The following CDKAL1 variants were observed in gnomAD, a reference collection of about 807,000 sequenced individuals.
CDKAL1 encodes threonylcarbamoyladenosine tRNA methylthiotransferase.
In CDKAL1, 32 loss-of-function variants were observed where a neutral mutation model predicts 68.2. The ratio of observed to expected loss-of-function variants is 0.47; its 90% CI spans 0.35 to 0.63. The LOEUF (loss-of-function observed/expected upper bound fraction) is 0.63. CDKAL1 is among the 30% of genes least tolerant of loss of function. CDKAL1 has a pLI of 0.00. For missense variants in CDKAL1, 606 were observed against 696.7 expected (o/e 0.87, Z 1.47); for synonymous variants, 234 against 244.3 (o/e 0.96, Z 0.39).
At chr6:21,204,469 T>C (rs1278501577) in intron 15 of CDKAL1, among the ~76,000 whole-genome samples, 1 of 152,170 alleles carries the variant, frequency 6.6e-6, no homozygotes, top group Non-Finnish European at 1.5e-5. Context: ...TCCCAATATA[T>C]TGTCAAATTT....
intron 8 of CDKAL1, among the ~76,000 whole-genome samples, chr6:20,805,210 T>A (rs886698058): frequency 1.3e-5 from 2 of 152,180 alleles, no homozygotes; most frequent in Admixed American, 1.3e-4. Flanking sequence ...TTACCTGATG[T>A]GTCTTTTTCT....
rs1554152119 is a variant in CDKAL1 at position 20,568,745 on chromosome 6, A to AAC, written c.286+20041_286+20042insCA. The stretch of plus-strand genomic sequence containing the variant: ...GCGAGACTCCGCCTCAAAAAAAAAA[A>AAC]AAAAACAAAAAAACAAAAAAACAAA... On this transcript the variant is annotated intron_variant, in intron 4 of 15. Coordinates refer to ENST00000274695, the MANE Select transcript of CDKAL1 (RefSeq NM_017774.3). Among the ~76,000 whole-genome samples the AAC allele has an allele frequency of 4.6e-4, 47 of 103,008 alleles. 1 individual carries two copies. The highest frequency in any genetic ancestry group is 1.8e-3 in the Admixed American group (17 of 9,192). 67.6% of individuals were successfully genotyped at this position (103,008 alleles called of 152,430 possible). A position where few individuals can be genotyped will look rare whatever the true frequency, so the allele number is the denominator to read the frequency against.
chr6:20,546,613 G>A, intron 3 of CDKAL1, 90 bp downstream of exon 3: 3 of 1,051,772 alleles, frequency 2.9e-6, no homozygotes, highest in Non-Finnish European at 2.7e-6. Context: ...GAGTGCAGTG[G>A]TGTGATCTCG....
chr6:21,000,149 G>C (rs767988644), intron 10 of CDKAL1, 78 bp from the exon 11 acceptor site: 34 of 1,100,126 alleles, frequency 3.1e-5, no homozygotes, highest in Non-Finnish European at 3.1e-5. Flanking sequence ...ATTTGCTTGC[G>C]CTTGTGGTGT....
chr6:20,758,722 C>A, intron 7 of CDKAL1, 79 bp downstream of exon 7: 4 of 968,756 alleles, frequency 4.1e-6, no homozygotes, highest in Non-Finnish European at 6.2e-6. Context: ...GTAACTCTTG[C>A]CAGGCACCTT....
At chr6:20,663,505 A>G (rs1769385564) in intron 5 of CDKAL1, among the ~76,000 whole-genome samples, 1 of 152,148 alleles carries the variant, frequency 6.6e-6, no homozygotes, top group African/African-American at 2.4e-5. Context: ...GTTGACATGT[A>G]AGAACTTTTC....
chr6:21,046,397 TAAG>T (rs1770232433), intron 11 of CDKAL1, among the ~76,000 whole-genome samples: 2 of 152,174 alleles, frequency 1.3e-5, no homozygotes, highest in Admixed American at 6.5e-5. Context: ...CCTGGGTATG[TAAG>T]AAGAAGGGGG....
chr6:20,795,795 A>C (rs1345464989), intron 8 of CDKAL1, among the ~76,000 whole-genome samples: 1 of 152,202 alleles, frequency 6.6e-6, no homozygotes, highest in African/African-American at 2.4e-5. Flanking sequence ...TGAAAAGCAT[A>C]TACTACCTGA....
At chr6:20,567,880 ATT>A (rs554575543) in intron 4 of CDKAL1, among the ~76,000 whole-genome samples, 2 of 144,618 alleles carry the variant, frequency 1.4e-5, no homozygotes, top group Non-Finnish European at 3.1e-5. Flanking sequence ...TGCCCAGCAA[ATT>A]TTTTTTTTTT....
chr6:21,192,173 C>G (rs1778280526), intron 13 of CDKAL1, among the ~76,000 whole-genome samples: 2 of 148,962 alleles, frequency 1.3e-5, no homozygotes, highest in Admixed American at 1.3e-4. Flanking sequence ...AGGCGCCCAC[C>G]ACCGCGCCCG....
chr6:20,983,890 C>A (rs951420107), intron 10 of CDKAL1, among the ~76,000 whole-genome samples: 1 of 151,990 alleles, frequency 6.6e-6, no homozygotes, highest in South Asian at 2.1e-4. Flanking sequence ...TGTGCTATTC[C>A]TCAAGAATTA....
intron 10 of CDKAL1, among the ~76,000 whole-genome samples, chr6:20,985,926 TGAA>T (rs1389196152): frequency 6.6e-6 from 1 of 152,226 alleles, no homozygotes; most frequent in African/African-American, 2.4e-5. Flanking sequence ...GCTTTTCAAA[TGAA>T]GAAATTTTTT....
intron 8 of CDKAL1, among the ~76,000 whole-genome samples, chr6:20,807,587 A>G (rs1287366003): frequency 2.0e-5 from 3 of 152,170 alleles, no homozygotes; most frequent in Non-Finnish European, 4.4e-5. Context: ...GGCTTTGGAA[A>G]TTAGGTTTTA....
At chr6:20,925,805 A>T (rs939743344) in intron 9 of CDKAL1, among the ~76,000 whole-genome samples, 2 of 152,300 alleles carry the variant, frequency 1.3e-5, no homozygotes, top group Non-Finnish European at 2.9e-5. Flanking sequence ...GATATTAGTT[A>T]CAGAGTACTG....
At chr6:20,842,590 G>C (rs991747941) in intron 8 of CDKAL1, among the ~76,000 whole-genome samples, 1 of 152,192 alleles carries the variant, frequency 6.6e-6, no homozygotes. Flanking sequence ...CCAGCACTTT[G>C]GGAGGCCAAG....
In CDKAL1 at chr6:20,951,857, T is replaced by C. The variant is rs551019193; in HGVS notation, c.743-3562T>C. The stretch of plus-strand genomic sequence containing the variant: ...CTCCTACTTTCCTACCCCACCACTT[T>C]CTTTTTTTGCATGTATTTATTTTTA... On this transcript the variant is annotated intron_variant, in intron 9 of 15. Coordinates refer to ENST00000274695, the MANE Select transcript of CDKAL1 (RefSeq NM_017774.3). Among the ~76,000 whole-genome samples, 19 of 152,294 alleles carry C rather than the reference T, an allele frequency of 1.2e-4. No homozygotes were observed. In the South Asian group the frequency reaches 3.9e-3, roughly 32 times the overall value.
intron 12 of CDKAL1, among the ~76,000 whole-genome samples, chr6:21,073,105 T>C (rs931166158): frequency 1.1e-4 from 17 of 152,188 alleles, no homozygotes; most frequent in Admixed American, 3.9e-4. Context: ...TTGGCTTTTT[T>C]TGCTTAGTAA....
chr6:20,912,965 A>G (rs931137227), intron 9 of CDKAL1, among the ~76,000 whole-genome samples: 5 of 152,086 alleles, frequency 3.3e-5, no homozygotes, highest in African/African-American at 9.7e-5. Flanking sequence ...ATTGGTTTAT[A>G]TGTTAAAATC....
At chr6:20,582,808 A>G (rs1321808370) in intron 4 of CDKAL1, among the ~76,000 whole-genome samples, 1 of 152,198 alleles carries the variant, frequency 6.6e-6, no homozygotes, top group African/African-American at 2.4e-5. Context: ...ATGTGAGGCA[A>G]TATCCCTAGG....
Sources: allele counts gnomAD v4.1 joint callset (sites outside exome capture counted in the v4.1 genomes callset), GRCh38; gene constraint gnomAD v4.1.1; transcripts MANE v1.5; gene names NCBI Gene and HGNC (gene_info 2026-07-23, HGNC 2026-07-21).